Variants in KDR observed in about 807,000 individuals in gnomAD.
KDR encodes the protein vascular endothelial growth factor receptor 2.
A neutral mutation model predicts 160.9 loss-of-function variants in KDR; 43 were observed. That is an observed-to-expected ratio of 0.27 (90% CI 0.21 to 0.34). The LOEUF (loss-of-function observed/expected upper bound fraction) is 0.34, where lower values mean the gene tolerates loss of function less well. Among genes scored for constraint, KDR ranks in the 10% least tolerant of loss-of-function variants. The pLI, the probability that KDR is intolerant of heterozygous loss-of-function variation, is 1.00. For synonymous variants in KDR, 617 were observed against 600.1 expected, an observed-to-expected ratio of 1.03 and a Z score of -0.41; for missense variants, 1,469 against 1,666.4, an observed-to-expected ratio of 0.88 and a Z score of 2.06.
At chr4:55,125,117 A>G in intron 1 of KDR, 110 bp downstream of exon 1, 1 of 1,012,846 alleles carries the variant, frequency 9.9e-7, no homozygotes, top group Non-Finnish European at 1.5e-6. Flanking sequence ...GCAAAATGTC[A>G]AGTCCTGTCC....
Position 55,115,377 on chromosome 4 carries a change from G to A in KDR, c.393C>T (p.Asp131=). 6.5e-7 allele frequency: 1 copy of A among 1,540,718 alleles called. No homozygotes were observed. Among genetic ancestry groups the A allele is most frequent in the African/African-American group, 1.4e-5 (1 of 73,482 alleles). ...YRSPFIASVS[D]QHGVVYITEN... is the part of the protein sequence containing the mutation. Reference sequence around the variant, plus strand: ...CAGTAATGTACACGACTCCATGTTGGTCACTAACAGAAGCAATAAATGGAG... The same window carrying A: ...CAGTAATGTACACGACTCCATGTTGATCACTAACAGAAGCAATAAATGGAG... Residue 131 remains aspartate, a synonymous_variant, in exon 4 of 30, where the codon GAC becomes GAT. Transcript: ENST00000263923.
intron 13 of KDR, 173 bp downstream of exon 13, chr4:55,104,470 A>G: frequency 1.5e-6 from 1 of 661,640 alleles, no homozygotes; most frequent in Non-Finnish European, 2.7e-6. Context: ...CTTTCGATAT[A>G]TCATTTCATT....
intron 1 of KDR, 120 bp downstream of exon 1, chr4:55,125,107 G>A (rs1720997360): frequency 4.2e-6 from 4 of 953,886 alleles, no homozygotes. Context: ...ATGAAAGATC[G>A]CAAAATGTCA....
intron 27 of KDR, among the ~76,000 whole-genome samples, chr4:55,086,127 T>A (rs2110008187): frequency 6.6e-6 from 1 of 152,336 alleles, no homozygotes; most frequent in South Asian, 2.1e-4. Context: ...CTCATCTCAT[T>A]ACTGTTTCTC....
intron 29 of KDR, 28 bp from the exon 30 acceptor site, chr4:55,080,191 T>C (rs765220663): frequency 1.2e-6 from 2 of 1,600,152 alleles, no homozygotes; most frequent in East Asian, 2.2e-5. Flanking sequence ...AACAAAGGAG[T>C]TGGCAGAGAG....
At chr4:55,100,402 T>C (rs1720278896) in intron 15 of KDR, among the ~76,000 whole-genome samples, 1 of 152,160 alleles carries the variant, frequency 6.6e-6, no homozygotes, top group Admixed American at 6.5e-5. Flanking sequence ...TATATTAATA[T>C]TCTCGCATAA....
At chr4:55,099,916 G>A (rs908415664) in intron 15 of KDR, among the ~76,000 whole-genome samples, 4 of 152,148 alleles carry the variant, frequency 2.6e-5, no homozygotes, top group Non-Finnish European at 4.4e-5. Flanking sequence ...GCCTGGTAAT[G>A]GGAGTTTCAA....
rs574342836 is a variant in KDR, at chr4:55,087,825, C to A, written c.3511-67G>T. On this transcript the variant is annotated intron_variant, in intron 26 of 29. Coordinates refer to ENST00000263923, the MANE Select transcript of KDR (RefSeq NM_002253.4). Reference sequence around the variant, plus strand: ...TCTTCAAGTGCCTTTTCATTAAAAACAAAGGGCACAGGGACTTCTTGGCTA... The same window carrying A: ...TCTTCAAGTGCCTTTTCATTAAAAAAAAAGGGCACAGGGACTTCTTGGCTA... The A allele has an allele frequency of 8.5e-5, 128 of 1,501,060 alleles. No individual in the cohort carries two copies. In the African/African-American group the frequency reaches 1.6e-3, roughly 18 times the overall value. 93.0% of individuals were successfully genotyped at this position (1,501,060 alleles called of 1,614,324 possible). A position where few individuals can be genotyped will look rare whatever the true frequency, so the allele number is the denominator to read the frequency against.
intron 9 of KDR, among the ~76,000 whole-genome samples, chr4:55,108,216 A>T (rs952370816): frequency 6.8e-5 from 10 of 148,126 alleles, no homozygotes; most frequent in Admixed American, 2.8e-4. Context: ...AAAAAAAGGA[A>T]TAAAGTAACG....
chr4:55,109,146 G>A (rs1009318128), intron 9 of KDR, among the ~76,000 whole-genome samples: 8 of 151,724 alleles, frequency 5.3e-5, no homozygotes, highest in African/African-American at 7.3e-5. Flanking sequence ...ACAATGGTGC[G>A]ATCTCGGCTA....
chr4:55,114,408 C>T, intron 5 of KDR, 143 bp from the exon 6 acceptor site: 1 of 834,694 alleles, frequency 1.2e-6, no homozygotes, highest in Non-Finnish European at 1.9e-6. Flanking sequence ...TTGGTAGCTC[C>T]CAGGAAAATG....
At chr4:55,110,146 A>G (rs1720540989) in intron 9 of KDR, among the ~76,000 whole-genome samples, 1 of 152,188 alleles carries the variant, frequency 6.6e-6, no homozygotes, top group African/African-American at 2.4e-5. Flanking sequence ...CACAACATTT[A>G]GCTATCGAGG....
chr4:55,106,394 A>G (rs1336306033), intron 11 of KDR, among the ~76,000 whole-genome samples: 1 of 152,198 alleles, frequency 6.6e-6, no homozygotes, highest in African/African-American at 2.4e-5. Flanking sequence ...GAAACTAATG[A>G]TGTGTTTTAA....
intron 26 of KDR, among the ~76,000 whole-genome samples, chr4:55,088,025 G>C (rs1719905443): frequency 6.6e-6 from 1 of 152,154 alleles, no homozygotes; most frequent in Non-Finnish European, 1.5e-5. Flanking sequence ...AGCAGGCTGT[G>C]GTCAGAGAGG....
intron 3 of KDR, among the ~76,000 whole-genome samples, chr4:55,117,487 GT>G (rs1720764029): frequency 6.6e-6 from 1 of 152,202 alleles, no homozygotes; most frequent in South Asian, 2.1e-4. Flanking sequence ...ATCTTTGACA[GT>G]GCTTACTCTG....
chr4:55,087,585 G>C (rs201171220), intron 27 of KDR, 22 bp downstream of exon 27: 1 of 1,612,672 alleles, frequency 6.2e-7, no homozygotes, highest in South Asian at 1.1e-5. Flanking sequence ...TCCCCCGGGG[G>C]ATGTTAGGCC....
At chr4:55,093,840 G>A (rs1720080365) in intron 21 of KDR, among the ~76,000 whole-genome samples, 1 of 152,148 alleles carries the variant, frequency 6.6e-6, no homozygotes. Context: ...AATACAGTGT[G>A]TCCTGGAGCC....
chr4:55,096,097 A>G (rs1720145984), intron 19 of KDR, 132 bp downstream of exon 19: 1 of 656,532 alleles, frequency 1.5e-6, no homozygotes, highest in Non-Finnish European at 2.7e-6. Flanking sequence ...CATGAAATAT[A>G]TTTATTCCTA....
At chr4:55,124,826 C>T (rs1195238688) in intron 1 of KDR, among the ~76,000 whole-genome samples, 1 of 152,178 alleles carries the variant, frequency 6.6e-6, no homozygotes, top group East Asian at 1.9e-4. Context: ...TTTTCTTCCC[C>T]GGGCCCGGAC....
Sources: allele counts gnomAD v4.1 joint callset (sites outside exome capture counted in the v4.1 genomes callset), GRCh38; gene constraint gnomAD v4.1.1; transcripts MANE v1.5; gene names NCBI Gene and HGNC (gene_info 2026-07-23, HGNC 2026-07-21).